ABCB9: variants seen among roughly 807,000 people sequenced by gnomAD.
ABCB9 encodes the protein ABC-type oligopeptide transporter ABCB9.
In ABCB9, 36 loss-of-function variants were observed where a neutral mutation model predicts 62.0. The observed-to-expected ratio is 0.58, with a 90% CI of 0.45 to 0.77. The LOEUF (loss-of-function observed/expected upper bound fraction) is 0.77. Among genes scored for constraint, ABCB9 ranks in the 30% least tolerant of loss-of-function variants. The probability of loss-of-function intolerance (pLI) is 0.00; values close to 1 mark genes in which losing one functional copy is unlikely to be tolerated. For missense variants in ABCB9, 943 were observed against 1,054.7 expected, an observed-to-expected ratio of 0.89 and a Z score of 1.47; for synonymous variants, 435 against 461.4, an observed-to-expected ratio of 0.94 and a Z score of 0.73.
chr12:122,971,241 G>A (rs985254467), upstream of ABCB9, among the ~76,000 whole-genome samples: 23 of 151,758 alleles, frequency 1.5e-4, no homozygotes, highest in Non-Finnish European at 3.4e-4. Context: ...AAAAAAATTA[G>A]CCAAGTGTGG....
At chr12:122,922,450 G>C (rs943853116) in intron 11 of ABCB9, among the ~76,000 whole-genome samples, 2 of 152,242 alleles carry the variant, frequency 1.3e-5, no homozygotes, top group East Asian at 3.9e-4. Context: ...CACGATCTTA[G>C]CTCATTGCAA....
At chr12:122,942,061 A>G (rs980419189) in intron 7 of ABCB9, among the ~76,000 whole-genome samples, 1 of 151,992 alleles carries the variant, frequency 6.6e-6, no homozygotes, top group Non-Finnish European at 1.5e-5. Context: ...GGTAGGTTCT[A>G]ACATTATCTC....
At chr12:122,928,114 A>G (rs893308061), downstream of ABCB9, among the ~76,000 whole-genome samples, 3 of 152,180 alleles carry the variant, frequency 2.0e-5, no homozygotes, top group Non-Finnish European at 4.4e-5. Context: ...GGACCGCTAG[A>G]TGAGATCAGC....
chr12:122,956,110 T>G (rs951305722), intron 2 of ABCB9, among the ~76,000 whole-genome samples: 1 of 152,172 alleles, frequency 6.6e-6, no homozygotes, highest in Non-Finnish European at 1.5e-5. Context: ...GAGGGGACTT[T>G]TGGGCCGCCC....
At chr12:122,969,335 T>C (rs546685645), upstream of ABCB9, among the ~76,000 whole-genome samples, 1 of 152,222 alleles carries the variant, frequency 6.6e-6, no homozygotes, top group Non-Finnish European at 1.5e-5. Flanking sequence ...GTGAGGAATG[T>C]TCTAAAAGTT....
intron 9 of ABCB9, among the ~76,000 whole-genome samples, chr12:122,939,132 A>C (rs995943853): frequency 6.6e-6 from 1 of 152,230 alleles, no homozygotes; most frequent in Admixed American, 6.5e-5. Flanking sequence ...AGATCTCACC[A>C]CTGCACTCCA....
In ABCB9 at chr12:122,947,035, G is replaced by A. The variant is rs906914839; in HGVS notation, c.1054-813C>T. Among the ~76,000 whole-genome samples, 3 of 152,262 alleles carry A rather than the reference G, an allele frequency of 2.0e-5. No individual in the cohort carries two copies. Among genetic ancestry groups the A allele is most frequent in the Non-Finnish European group, 2.9e-5 (2 of 68,048 alleles). Reference sequence around the variant, plus strand: ...AGTCATGTTTGGCCATGGGCGGTGTGTGTGGTTTGTGGAGATGACTCGCTG... The same window carrying A: ...AGTCATGTTTGGCCATGGGCGGTGTATGTGGTTTGTGGAGATGACTCGCTG... On this transcript the variant is annotated intron_variant, in intron 5 of 11. Transcript: ENST00000280560. The surrounding 1 kb of genome is among the most constrained non-coding windows in gnomAD (Gnocchi z 6.0).
intron 4 of ABCB9, 42 bp from the exon 5 acceptor site, chr12:122,948,871 C>T: frequency 6.9e-7 from 1 of 1,448,322 alleles, no homozygotes; most frequent in East Asian, 2.7e-5. Flanking sequence ...GCAACCCGGG[C>T]CTTGGGGGTG....
In ABCB9 at chr12:122,930,785, G is replaced by A. The variant is rs2035114406; in HGVS notation, c.2041-614C>T. On this transcript the variant is annotated intron_variant, in intron 11 of 11. Coordinates refer to ENST00000280560, the MANE Select transcript of ABCB9 (RefSeq NM_019625.4). The surrounding 1 kb of genome is among the most constrained non-coding windows in gnomAD (Gnocchi z 4.9). ...AAGGGTCTTTGTCTAGTTAGCCCACGATAACCCCAGAATGGTGCCTGGTGC... is the reference window on the plus strand; with the variant it reads ...AAGGGTCTTTGTCTAGTTAGCCCACAATAACCCCAGAATGGTGCCTGGTGC... Among the ~76,000 whole-genome samples the A allele has an allele frequency of 6.6e-6, 1 of 152,086 alleles. No homozygotes were observed. The highest frequency in any genetic ancestry group is 1.5e-5 in the Non-Finnish European group (1 of 68,018).
intron 5 of ABCB9, among the ~76,000 whole-genome samples, chr12:122,946,845 C>T (rs1293772042): frequency 1.3e-5 from 2 of 152,222 alleles, no homozygotes; most frequent in African/African-American, 4.8e-5. Flanking sequence ...CACCAGAGTC[C>T]TGGAAGAGGC....
chr12:122,924,897 C>G (rs753446343), downstream of ABCB9: 12 of 1,366,138 alleles, frequency 8.8e-6, no homozygotes, highest in Non-Finnish European at 1.2e-5. Flanking sequence ...ACTCTCCACA[C>G]CCACCAGGAT....
chr12:122,961,227 G>A (rs2036884667), intron 1 of ABCB9, among the ~76,000 whole-genome samples: 2 of 151,718 alleles, frequency 1.3e-5, no homozygotes, highest in African/African-American at 2.4e-5. Flanking sequence ...TTGCTCTGTC[G>A]CCCAGGCTGG....
chr12:122,949,967 G>A (rs1301000468), intron 3 of ABCB9, 49 bp from the exon 4 acceptor site: 1 of 1,609,688 alleles, frequency 6.2e-7, no homozygotes, highest in Non-Finnish European at 8.5e-7. Flanking sequence ...CCAGACCAGT[G>A]ACCACACCCG....
intron 1 of ABCB9, among the ~76,000 whole-genome samples, chr12:122,962,543 C>T (rs1455819443): frequency 3.3e-5 from 5 of 152,170 alleles, no homozygotes; most frequent in South Asian, 2.1e-4. Context: ...TCCATATTCC[C>T]GTTTACAGTT....
At chr12:122,920,092 G>A (rs2034712619), downstream of ABCB9, among the ~76,000 whole-genome samples, 2 of 151,842 alleles carry the variant, frequency 1.3e-5, no homozygotes, top group African/African-American at 2.4e-5. Context: ...TGTTGGCCAG[G>A]CTGGTCTCCA....
At chr12:122,927,014 G>C (rs2034924830), downstream of ABCB9, among the ~76,000 whole-genome samples, 1 of 152,162 alleles carries the variant, frequency 6.6e-6, no homozygotes, top group Non-Finnish European at 1.5e-5. Flanking sequence ...ACAGCTTGCA[G>C]TTTCACTGAT....
chr12:122,950,444 C>T lies in ABCB9; in HGVS notation c.716+7G>A. On this transcript the variant is annotated splice_region_variant and intron_variant, in intron 3 of 11. Coordinates refer to ENST00000280560, the MANE Select transcript of ABCB9 (RefSeq NM_019625.4). ...GCGGGGCAGGGCGTGGGGGTTGAGCCAGCTACCTGCCAATGGCCAGCAGGC... is the reference window on the plus strand; with the variant it reads ...GCGGGGCAGGGCGTGGGGGTTGAGCTAGCTACCTGCCAATGGCCAGCAGGC... 6.2e-7 allele frequency: 1 copy of T among 1,607,860 alleles called. No homozygotes were observed.
At chr12:122,954,546 G>A (rs1372407557) in intron 2 of ABCB9, among the ~76,000 whole-genome samples, 2 of 152,074 alleles carry the variant, frequency 1.3e-5, no homozygotes, top group Non-Finnish European at 2.9e-5. Flanking sequence ...AGGCTGGAGT[G>A]CAGTGGCACG....
chr12:122,949,766 C>T, intron 4 of ABCB9, 22 bp downstream of exon 4: 1 of 1,613,682 alleles, frequency 6.2e-7, no homozygotes, highest in East Asian at 2.2e-5. Flanking sequence ...CCCAGGACAC[C>T]TAGGGCACTG....
Sources: allele counts gnomAD v4.1 joint callset (sites outside exome capture counted in the v4.1 genomes callset), GRCh38; gene constraint gnomAD v4.1.1; non-coding constraint Gnocchi (gnomAD v3.1); transcripts MANE v1.5; gene names NCBI Gene and HGNC (gene_info 2026-07-23, HGNC 2026-07-21).